Variants in TLK2 observed in about 807,000 individuals in gnomAD.
TLK2 encodes tousled like kinase 2.
A neutral mutation model predicts 117.3 loss-of-function variants in TLK2; 6 were observed. That is an observed-to-expected ratio of 0.05 (90% CI 0.03 to 0.10). The LOEUF (loss-of-function observed/expected upper bound fraction) is 0.10, where lower values mean the gene tolerates loss of function less well. TLK2 is among the 10% of genes least tolerant of loss of function. The probability of loss-of-function intolerance (pLI) is 1.00; values close to 1 mark genes in which losing one functional copy is unlikely to be tolerated. For missense variants in TLK2, 299 were observed against 901.2 expected (o/e 0.33, Z 8.56); for synonymous variants, 257 against 316.7 (o/e 0.81, Z 2.00).
At chr17:62,605,368 C>T (rs2083207190) in intron 19 of TLK2, among the ~76,000 whole-genome samples, 1 of 152,046 alleles carries the variant, frequency 6.6e-6, no homozygotes, top group Non-Finnish European at 1.5e-5. Context: ...TTACTGCCTC[C>T]CTAAGTTAGA....
intron 17 of TLK2, 193 bp from the exon 18 acceptor site, chr17:62,600,458 T>C (rs2082794300): frequency 1.9e-6 from 1 of 515,698 alleles, no homozygotes; most frequent in Non-Finnish European, 3.4e-6. Context: ...GTGGAAACTC[T>C]TCAAGAGAAT....
At chr17:62,554,485 G>A (rs1041296846) in intron 9 of TLK2, among the ~76,000 whole-genome samples, 2 of 152,196 alleles carry the variant, frequency 1.3e-5, no homozygotes, top group African/African-American at 4.8e-5. Flanking sequence ...GGGAGGCTGA[G>A]ACAGGAGAAT....
Position 62,600,674 on chromosome 17 carries a change from G to C in TLK2, c.1574G>C (p.Cys525Ser). 1.9e-6 allele frequency: 3 copies of C among 1,610,466 alleles called. No homozygotes were observed. The highest frequency in any genetic ancestry group is 2.5e-6 in the Non-Finnish European group (3 of 1,179,392). ...AGGTTTTGTACAGTATTAGAATACT[G>C]TGAGGGAAATGATCTGGACTTCTAC... Reference protein sequence around the residue: ...TDSFCTVLEYCEGNDLDFYLK... With the variant: ...TDSFCTVLEYSEGNDLDFYLK... Residue 525 changes from cysteine to serine, a missense_variant, in exon 18 of 22, where the codon TGT (cysteine) becomes TCT (serine). Cys to Ser is a moderately radical substitution (Grantham distance 112). Transcript: ENST00000346027.
At chr17:62,566,848 G>A (rs2079835287) in intron 11 of TLK2, among the ~76,000 whole-genome samples, 2 of 152,358 alleles carry the variant, frequency 1.3e-5, no homozygotes, top group South Asian at 4.1e-4. Context: ...GAGCAGCCCT[G>A]TCAATGGCTA....
rs1032285733 is a variant in TLK2, at chr17:62,516,778, G to T, written c.82-3995G>T. On this transcript the variant is annotated intron_variant, in intron 2 of 21. Transcript: ENST00000346027. ...CTTAGGCATCAACATCTCTGCAGCTGCAGGGTCCGGGGCCGGGGCTGGAAA... is the reference window on the plus strand; with the variant it reads ...CTTAGGCATCAACATCTCTGCAGCTTCAGGGTCCGGGGCCGGGGCTGGAAA... 49 of 1,488,768 alleles carry T rather than the reference G, an allele frequency of 3.3e-5. No homozygotes were observed. The African/African-American group carries it at 4.0e-4, about 12-fold the overall frequency. The allele number at this position is 1,488,768 out of a possible 1,614,324, so 92.2% of individuals were successfully genotyped here. A position where few individuals can be genotyped will look rare whatever the true frequency, so the allele number is the denominator to read the frequency against.
chr17:62,505,864 T>A (rs1378677482), intron 2 of TLK2, among the ~76,000 whole-genome samples: 1 of 152,114 alleles, frequency 6.6e-6, no homozygotes, highest in African/African-American at 2.4e-5. Flanking sequence ...GCTAATTATT[T>A]ATTTTTTTTG....
intron 9 of TLK2, among the ~76,000 whole-genome samples, chr17:62,557,738 G>A (rs1368389759): frequency 8.5e-5 from 13 of 152,204 alleles, no homozygotes; most frequent in Admixed American, 5.9e-4. Flanking sequence ...AATTGTGGGC[G>A]TGCCTTTCTC....
At chr17:62,606,991 C>CCT (rs2147265893) in intron 20 of TLK2, among the ~76,000 whole-genome samples, 1 of 146,038 alleles carries the variant, frequency 6.8e-6, no homozygotes, top group South Asian at 2.2e-4. Context: ...ATTATACCTT[C>CCT]CTCTTTAGCT....
At chr17:62,555,937 C>T (rs564795242) in intron 9 of TLK2, among the ~76,000 whole-genome samples, 1 of 152,216 alleles carries the variant, frequency 6.6e-6, no homozygotes, top group South Asian at 2.1e-4. Context: ...TAGGCATGTG[C>T]CACTACATTT....
chr17:62,496,774 T>C (rs1347545236), intron 2 of TLK2, among the ~76,000 whole-genome samples: 1 of 151,812 alleles, frequency 6.6e-6, no homozygotes, highest in Non-Finnish European at 1.5e-5. Flanking sequence ...GCTAACATAG[T>C]GAAACCCCGT....
chr17:62,573,525 A>G (rs1042074593), intron 12 of TLK2, among the ~76,000 whole-genome samples, 158 bp downstream of exon 12: 1 of 152,240 alleles, frequency 6.6e-6, no homozygotes, highest in African/African-American at 2.4e-5. Flanking sequence ...TATAAATGCC[A>G]TATAAAATTA....
intron 2 of TLK2, among the ~76,000 whole-genome samples, chr17:62,500,456 A>G (rs1178992299): frequency 6.6e-6 from 1 of 152,236 alleles, no homozygotes; most frequent in Non-Finnish European, 1.5e-5. Flanking sequence ...TCCTAAATGT[A>G]TATGCATCCA....
At chr17:62,607,516 G>A (rs978641096) in intron 20 of TLK2, among the ~76,000 whole-genome samples, 7 of 151,664 alleles carry the variant, frequency 4.6e-5, no homozygotes, top group Non-Finnish European at 1.0e-4. Context: ...GCGACAGAGC[G>A]AGACTCCATC....
At chr17:62,500,307 A>T (rs1167077392) in intron 2 of TLK2, among the ~76,000 whole-genome samples, 1 of 151,338 alleles carries the variant, frequency 6.6e-6, no homozygotes, top group African/African-American at 2.4e-5. Flanking sequence ...AAAAAAGCTA[A>T]GTATAAACAC....
chr17:62,486,096 A>G (rs1356890720), intron 2 of TLK2, among the ~76,000 whole-genome samples: 3 of 151,884 alleles, frequency 2.0e-5, no homozygotes, highest in Non-Finnish European at 4.4e-5. Context: ...CTGGGATTAC[A>G]GGTATGGGCC....
intron 2 of TLK2, among the ~76,000 whole-genome samples, chr17:62,507,798 TTCA>T (rs1316621418): frequency 2.0e-5 from 3 of 152,120 alleles, no homozygotes; most frequent in Non-Finnish European, 4.4e-5. Flanking sequence ...AACCTCAGTG[TTCA>T]TGGATTTATA....
intron 18 of TLK2, among the ~76,000 whole-genome samples, chr17:62,601,061 C>G (rs1177722169): frequency 6.6e-6 from 1 of 152,138 alleles, no homozygotes; most frequent in Non-Finnish European, 1.5e-5. Flanking sequence ...CAGGGCAGTT[C>G]ATGATGTAAG....
intron 16 of TLK2, among the ~76,000 whole-genome samples, chr17:62,596,000 A>T (rs936626002): frequency 6.6e-6 from 1 of 152,182 alleles, no homozygotes; most frequent in Non-Finnish European, 1.5e-5. Flanking sequence ...AAGAGGTGTG[A>T]TTATCATAGA....
chr17:62,602,191 A>C lies in TLK2; in HGVS notation c.1859+11A>C. The C allele has an allele frequency of 3.1e-6, 5 of 1,612,254 alleles. No individual in the cohort carries two copies. The highest frequency in any genetic ancestry group is 4.2e-6 in the Non-Finnish European group (5 of 1,179,258). ...TGCTGGTACTTATTGGTAGGTATCC[A>C]GGAGCTCTGCCAGGTTGGCTATAGA... On this transcript the variant is annotated intron_variant, in intron 19 of 21. Transcript: ENST00000346027.
Sources: allele counts gnomAD v4.1 joint callset (sites outside exome capture counted in the v4.1 genomes callset), GRCh38; gene constraint gnomAD v4.1.1; transcripts MANE v1.5; gene names NCBI Gene and HGNC (gene_info 2026-07-23, HGNC 2026-07-21).